UACA: variants seen among roughly 807,000 people sequenced by gnomAD.
The protein encoded by UACA is uveal autoantigen with coiled-coil domains and ankyrin repeats.
UACA carries 112 observed loss-of-function variants against 160.5 expected under a neutral mutation model. The observed-to-expected ratio is 0.70, with a 90% CI of 0.60 to 0.82. The LOEUF (loss-of-function observed/expected upper bound fraction) is 0.82. UACA is among the 40% of genes least tolerant of loss of function. The pLI is 0.00. For synonymous variants in UACA, 557 were observed against 568.4 expected (o/e 0.98, Z 0.29); for missense variants, 1,574 against 1,614.6 (o/e 0.97, Z 0.43).
At chr15:70,774,045 G>A in the UACA span, among the ~76,000 whole-genome samples, 1 of 152,126 alleles carries the variant, frequency 6.6e-6, no homozygotes, top group Non-Finnish European at 1.5e-5. Context: ...TTTTCTGTAT[G>A]TATACCCCAT....
chr15:70,750,444 C>T (rs2029975893), intron 1 of UACA, among the ~76,000 whole-genome samples: 1 of 152,128 alleles, frequency 6.6e-6, no homozygotes, highest in African/African-American at 2.4e-5. Flanking sequence ...TTCTAGTATC[C>T]AATTTCCCCT....
chr15:70,738,865 C>A (rs1166542581), intron 1 of UACA, among the ~76,000 whole-genome samples: 1 of 152,204 alleles, frequency 6.6e-6, no homozygotes, highest in Non-Finnish European at 1.5e-5. Flanking sequence ...GTAATCTCGG[C>A]TGGTTCATCT....
At chr15:70,718,323 A>AGGGTGTGT (rs1491099807) in intron 1 of UACA, among the ~76,000 whole-genome samples, 1 of 15,608 alleles carries the variant, frequency 6.4e-5, no homozygotes, top group Non-Finnish European at 1.7e-4. Flanking sequence ...AGAGAGAGAG[A>AGGGTGTGT]ATGTGTGTGT....
intron 3 of UACA, among the ~76,000 whole-genome samples, chr15:70,694,208 C>A (rs765986322): frequency 6.6e-6 from 1 of 151,680 alleles, no homozygotes; most frequent in African/African-American, 2.4e-5. Context: ...GAATGTTTAT[C>A]CTGATAGATA....
At chr15:70,763,579 C>T (rs1039235433), upstream of UACA, 2 of 1,218,004 alleles carry the variant, frequency 1.6e-6, no homozygotes, top group East Asian at 3.2e-5. Flanking sequence ...CGGGGCTCCC[C>T]TCCCGTAGCC....
intron 1 of UACA, among the ~76,000 whole-genome samples, chr15:70,704,669 A>G (rs568524441): frequency 6.6e-6 from 1 of 152,352 alleles, no homozygotes; most frequent in South Asian, 2.1e-4. Flanking sequence ...AATAGCTAAT[A>G]GATATGAATG....
chr15:70,690,332 G>A (rs1001170050), intron 5 of UACA, 122 bp downstream of exon 5: 3 of 922,408 alleles, frequency 3.3e-6, no homozygotes, highest in Non-Finnish European at 5.0e-6. Flanking sequence ...GTGCAAACAG[G>A]TTTTTAATAT....
intron 1 of UACA, among the ~76,000 whole-genome samples, chr15:70,724,053 A>C (rs1899075838): frequency 6.6e-6 from 1 of 152,276 alleles, no homozygotes; most frequent in South Asian, 2.1e-4. Context: ...TTATATTTTA[A>C]GTGTGTTAGC....
intron 16 of UACA, 55 bp from the exon 17 acceptor site, chr15:70,664,869 C>G: frequency 6.9e-7 from 1 of 1,442,914 alleles, no homozygotes; most frequent in Non-Finnish European, 9.4e-7. Flanking sequence ...GTACAATGAA[C>G]ATCTTTGTAC....
chr15:70,763,299 A>G, intron 1 of UACA, 31 bp downstream of exon 1: 1 of 1,320,786 alleles, frequency 7.6e-7, no homozygotes, highest in Non-Finnish European at 9.7e-7. Context: ...CCCGGAGCGG[A>G]GCGCCTCGCA....
At chr15:70,702,293 C>A in intron 1 of UACA, 1 of 1,015,078 alleles carries the variant, frequency 9.9e-7, no homozygotes, top group Non-Finnish European at 1.2e-6. Flanking sequence ...GCAACACAGA[C>A]GCTGCAGTGC....
intron 15 of UACA, among the ~76,000 whole-genome samples, chr15:70,670,750 A>G (rs775300561): frequency 1.3e-5 from 2 of 152,182 alleles, no homozygotes; most frequent in Non-Finnish European, 2.9e-5. Flanking sequence ...AAATATGAAG[A>G]GTTAACTAAT....
At chr15:70,735,971 C>T (rs1272934864) in intron 1 of UACA, among the ~76,000 whole-genome samples, 1 of 152,138 alleles carries the variant, frequency 6.6e-6, no homozygotes, top group African/African-American at 2.4e-5. Context: ...CCACTGTGCC[C>T]AGCTGAAAAC....
At chr15:70,768,504 A>G (rs1232694918), upstream of UACA, 1 of 152,200 alleles carries the variant, frequency 6.6e-6, no homozygotes, top group Non-Finnish European at 1.5e-5. Flanking sequence ...TCAAGTCTTG[A>G]TTACACACAA....
At chr15:70,664,230 G>T (rs1415303472) in intron 17 of UACA, among the ~76,000 whole-genome samples, 2 of 152,090 alleles carry the variant, frequency 1.3e-5, no homozygotes, top group Non-Finnish European at 1.5e-5. Flanking sequence ...AAAGATAAAA[G>T]ATTATTTTAA....
chr15:70,728,568 A>G (rs1899219420), intron 1 of UACA, among the ~76,000 whole-genome samples: 2 of 151,568 alleles, frequency 1.3e-5, no homozygotes, highest in African/African-American at 4.8e-5. Context: ...CATCTCAAAA[A>G]AAAAAAGAAA....
intron 1 of UACA, among the ~76,000 whole-genome samples, chr15:70,744,248 C>CAAAA (rs5813608): frequency 1.7e-3 from 106 of 63,924 alleles, no homozygotes; most frequent in African/African-American, 3.0e-3. Context: ...GACTCTGTCT[C>CAAAA]AAAAAAAAAA....
At chr15:70,674,350 A>G (rs1897238237) in intron 13 of UACA, among the ~76,000 whole-genome samples, 1 of 152,188 alleles carries the variant, frequency 6.6e-6, no homozygotes, top group Non-Finnish European at 1.5e-5. Context: ...GATGTACTAT[A>G]TGATCCCACC....
rs779043438 is a variant in UACA, at chr15:70,660,198, G to C, written c.4132C>G (p.Gln1378Glu). Reference protein sequence around the residue: ...QQLADADRQHQEVIAIYRTHL... With the variant: ...QQLADADRQHEEVIAIYRTHL... ...GTCCGATAAATTGCAATTACTTCTT[G>C]GTGCTGTCTGTCAGCATCCTAGAAA... Residue 1378 changes from glutamine to glutamate, a missense_variant, in exon 18 of 19, where the codon CAA (glutamine) becomes GAA (glutamate). Gln to Glu is a conservative substitution (Grantham distance 29, BLOSUM62 2). Transcript: ENST00000322954. 4 of 1,613,416 alleles carry C rather than the reference G, an allele frequency of 2.5e-6. No homozygotes were observed. The highest frequency in any genetic ancestry group is 3.4e-6 in the Non-Finnish European group (4 of 1,179,580).
Sources: allele counts gnomAD v4.1 joint callset (sites outside exome capture counted in the v4.1 genomes callset), GRCh38; gene constraint gnomAD v4.1.1; transcripts MANE v1.5; gene names NCBI Gene and HGNC (gene_info 2026-07-23, HGNC 2026-07-21).